The following GAS2L3 variants were observed in gnomAD, a reference collection of about 807,000 sequenced individuals.
GAS2L3 encodes growth arrest specific 2 like 3.
A neutral mutation model predicts 37.0 loss-of-function variants in GAS2L3; 28 were observed. The observed-to-expected ratio is 0.76, with a 90% CI of 0.56 to 1.04. The LOEUF (loss-of-function observed/expected upper bound fraction) is 1.04, where lower values mean the gene tolerates loss of function less well. Ranked by LOEUF, GAS2L3 falls within the 50% of genes least tolerant of loss-of-function variation. GAS2L3 has a pLI of 0.00. For synonymous variants in GAS2L3, 290 were observed against 296.6 expected (o/e 0.98, Z 0.23); for missense variants, 793 against 817.6 (o/e 0.97, Z 0.37).
chr12:100,588,358 G>A (rs1464400818), intron 1 of GAS2L3, among the ~76,000 whole-genome samples: 1 of 152,178 alleles, frequency 6.6e-6, no homozygotes, highest in Non-Finnish European at 1.5e-5. Context: ...CTGAGTCTCA[G>A]ACCAGCAAGT....
intron 4 of GAS2L3, among the ~76,000 whole-genome samples, 192 bp downstream of exon 4, chr12:100,600,742 G>A (rs946891896): frequency 3.9e-5 from 6 of 152,260 alleles, no homozygotes; most frequent in Non-Finnish European, 8.8e-5. Flanking sequence ...TGAACCTTGG[G>A]TCTTGAATAG....
In GAS2L3 at chr12:100,627,742, G is replaced by T. The variant is rs2136626614; in HGVS notation, c.*2852G>T. 6.6e-6 allele frequency: 1 copy of T among 152,262 alleles called. No homozygotes were observed. Among genetic ancestry groups the T allele is most frequent in the Non-Finnish European group, 1.5e-5 (1 of 68,024 alleles). The allele number at this position is 152,262 out of a possible 1,614,324, so 9.4% of individuals were successfully genotyped here. A position where few individuals can be genotyped will look rare whatever the true frequency, so the allele number is the denominator to read the frequency against. ...CTTTCCATCTCTTCTTAATAACAGT[G>T]CAAGATTTTGTAAATTCTTTTTTGT... is the stretch of plus-strand genomic sequence containing the variant. On this transcript the variant is annotated 3_prime_UTR_variant, in exon 10 of 10. Coordinates refer to ENST00000547754, the MANE Select transcript of GAS2L3 (RefSeq NM_174942.3).
At chr12:100,575,776 C>A (rs886350951) in intron 1 of GAS2L3, among the ~76,000 whole-genome samples, 2 of 152,198 alleles carry the variant, frequency 1.3e-5, no homozygotes, top group South Asian at 4.1e-4. Flanking sequence ...CCGCGCCTGG[C>A]CGTTATCTCT....
chr12:100,589,993 T>C (rs1391963461), intron 1 of GAS2L3, among the ~76,000 whole-genome samples: 1 of 152,200 alleles, frequency 6.6e-6, no homozygotes, highest in Non-Finnish European at 1.5e-5. Flanking sequence ...CTTCTAGACA[T>C]GGGCTTAGGC....
chr12:100,583,757 C>G (rs1259986874), intron 1 of GAS2L3, among the ~76,000 whole-genome samples: 4 of 152,156 alleles, frequency 2.6e-5, no homozygotes, highest in Admixed American at 2.0e-4. Context: ...GCATTTGCCA[C>G]CGCACCCAGC....
intron 6 of GAS2L3, among the ~76,000 whole-genome samples, chr12:100,616,251 A>G (rs944777006): frequency 1.1e-4 from 17 of 152,140 alleles, no homozygotes; most frequent in African/African-American, 3.6e-4. Flanking sequence ...TTGTAAGTGT[A>G]ATTATTTTCG....
At chr12:100,600,671 A>T in intron 4 of GAS2L3, 121 bp downstream of exon 4, 1 of 813,230 alleles carries the variant, frequency 1.2e-6, no homozygotes, top group South Asian at 1.5e-5. Flanking sequence ...TGAATGAAAT[A>T]TTCAGTGCCC....
At chr12:100,588,194 G>T (rs1955803928) in intron 1 of GAS2L3, among the ~76,000 whole-genome samples, 1 of 152,044 alleles carries the variant, frequency 6.6e-6, no homozygotes, top group South Asian at 2.1e-4. Context: ...ATAAAATATT[G>T]GGGGAACCCA....
chr12:100,611,446 T>C (rs746809660), intron 5 of GAS2L3, among the ~76,000 whole-genome samples: 1 of 152,186 alleles, frequency 6.6e-6, no homozygotes, highest in Non-Finnish European at 1.5e-5. Context: ...TTGATCTTAC[T>C]GCTAATTTTG....
chr12:100,581,183 T>C (rs1211544989), intron 1 of GAS2L3, among the ~76,000 whole-genome samples: 2 of 152,224 alleles, frequency 1.3e-5, no homozygotes, highest in African/African-American at 2.4e-5. Flanking sequence ...CCTTTTAATG[T>C]AAGTCACTCT....
At chr12:100,587,292 C>G (rs994844359) in intron 1 of GAS2L3, among the ~76,000 whole-genome samples, 2 of 152,098 alleles carry the variant, frequency 1.3e-5, no homozygotes, top group Non-Finnish European at 2.9e-5. Flanking sequence ...AACTACAGAC[C>G]AATATCCTTG....
chr12:100,601,601 T>G (rs763934075), intron 4 of GAS2L3, 37 bp from the exon 5 acceptor site: 22 of 922,248 alleles, frequency 2.4e-5, no homozygotes, highest in Middle Eastern at 2.8e-4. Flanking sequence ...TGTTTTTATG[T>G]TTCTAGAAGA....
In GAS2L3 at chr12:100,624,104, A is replaced by T. The variant is rs765542861; in HGVS notation, c.1299A>T (p.Arg433Ser). 19 of 1,613,956 alleles carry T rather than the reference A, an allele frequency of 1.2e-5. No homozygotes were observed. In the South Asian group the frequency reaches 2.0e-4, roughly 17 times the overall value. ...RTAPCISESP[R>S]KCISSPNTPK... The stretch of plus-strand genomic sequence containing the variant: ...CACCTTGTATATCTGAGTCACCGAG[A>T]AAATGTATTTCATCCCCCAATACCC... Residue 433 changes from arginine to serine, a missense_variant, in exon 10 of 10, where the codon AGA becomes AGT. By Grantham distance (110) the Arg-to-Ser change is moderately radical (BLOSUM62 -1). Coordinates refer to ENST00000547754, the MANE Select transcript of GAS2L3 (RefSeq NM_174942.3).
At chr12:100,603,856 A>G (rs1956022884) in intron 5 of GAS2L3, among the ~76,000 whole-genome samples, 1 of 152,130 alleles carries the variant, frequency 6.6e-6, no homozygotes, top group African/African-American at 2.4e-5. Context: ...GTGAATACCC[A>G]GTTTTCCCAG....
chr12:100,590,215 A>G (rs888517415), intron 1 of GAS2L3, among the ~76,000 whole-genome samples: 7 of 152,208 alleles, frequency 4.6e-5, no homozygotes, highest in Admixed American at 2.0e-4. Context: ...CAGACAAATC[A>G]GTAAGAAAAA....
chr12:100,591,319 C>G (rs997807012), intron 1 of GAS2L3, among the ~76,000 whole-genome samples: 1 of 151,930 alleles, frequency 6.6e-6, no homozygotes, highest in East Asian at 1.9e-4. Context: ...ATAAGTATAA[C>G]TTTTAGAGAG....
At position 100,624,714 on chromosome 12, in the gene GAS2L3, A is replaced by G; in HGVS notation, c.1909A>G (p.Lys637Glu). 1 of 1,614,110 alleles carries G rather than the reference A, an allele frequency of 6.2e-7. No homozygotes were observed. Among genetic ancestry groups the G allele is most frequent in the South Asian group, 1.1e-5 (1 of 91,082 alleles). ...TAPKSAQTVA[K>E]SQHSTKGPPR... Reference sequence around the variant, plus strand: ...ACCGAAGTCAGCACAGACTGTCGCTAAGAGCCAGCATTCAACTAAAGGGCC... The same window carrying G: ...ACCGAAGTCAGCACAGACTGTCGCTGAGAGCCAGCATTCAACTAAAGGGCC... Residue 637 changes from lysine (K) to glutamate (E), a missense_variant, in exon 10 of 10, where the codon AAG becomes GAG. Lys to Glu is a moderately conservative substitution (Grantham distance 56). Coordinates refer to ENST00000547754, the MANE Select transcript of GAS2L3 (RefSeq NM_174942.3).
chr12:100,579,171 A>G, intron 1 of GAS2L3: 1 of 664,288 alleles, frequency 1.5e-6, no homozygotes, highest in South Asian at 1.6e-5. Flanking sequence ...TTCCATGCCA[A>G]GACAATGGGG....
intron 1 of GAS2L3, among the ~76,000 whole-genome samples, chr12:100,585,953 T>G (rs1317819797): frequency 1.3e-5 from 2 of 152,226 alleles, no homozygotes. Context: ...CTAGTTCTTT[T>G]TCCTACATAT....
Sources: allele counts gnomAD v4.1 joint callset (sites outside exome capture counted in the v4.1 genomes callset), GRCh38; gene constraint gnomAD v4.1.1; transcripts MANE v1.5; gene names NCBI Gene and HGNC (gene_info 2026-07-23, HGNC 2026-07-21).